The following ABCA13 variants were observed in gnomAD, a reference collection of about 807,000 sequenced individuals.
ABCA13 encodes the protein ATP binding cassette subfamily A member 13, also known as ATP-binding cassette sub-family A member 13.
Under a neutral mutation model 478.7 loss-of-function variants are expected in ABCA13, and 476 were observed. The ratio of observed to expected loss-of-function variants is 0.99; its 90% CI spans 0.92 to 1.07. The LOEUF is 1.07. ABCA13 is among the 50% of genes least tolerant of loss of function. ABCA13 has a pLI of 0.00. For missense variants in ABCA13, 6,060 were observed against 5,910.6 expected (o/e 1.03, Z -0.83); for synonymous variants, 2,252 against 2,158.9 (o/e 1.04, Z -1.20).
At chr7:48,591,770 C>A (rs1412486501) in intron 57 of ABCA13, among the ~76,000 whole-genome samples, 1 of 151,584 alleles carries the variant, frequency 6.6e-6, no homozygotes. Flanking sequence ...TTCTGATAAC[C>A]CATTGTTATT....
intron 2 of ABCA13, among the ~76,000 whole-genome samples, chr7:48,194,160 A>G (rs577445584): frequency 0.64 from 14 of 22 alleles, 7 homozygotes; most frequent in Non-Finnish European, 1. Context: ...GATAATGATG[A>G]TGATGATGAT....
chr7:48,340,128 A>T (rs147256696), intron 29 of ABCA13, among the ~76,000 whole-genome samples: 1 of 151,996 alleles, frequency 6.6e-6, no homozygotes, highest in South Asian at 2.1e-4. Flanking sequence ...TTTTTTAGAC[A>T]AGAGTTTTGC....
At chr7:48,432,974 CA>C (rs1323557191) in intron 42 of ABCA13, among the ~76,000 whole-genome samples, 1 of 151,864 alleles carries the variant, frequency 6.6e-6, no homozygotes, top group Non-Finnish European at 1.5e-5. Context: ...TTTCTCATCA[CA>C]AAAAACTATG....
intron 15 of ABCA13, among the ~76,000 whole-genome samples, chr7:48,261,741 G>A (rs1016591181): frequency 6.6e-6 from 1 of 151,460 alleles, no homozygotes; most frequent in Admixed American, 6.6e-5. Context: ...GTTTATATAA[G>A]CATTTTCGAT....
At chr7:48,354,770 C>T (rs1004121283) in intron 31 of ABCA13, among the ~76,000 whole-genome samples, 24 of 152,046 alleles carry the variant, frequency 1.6e-4, no homozygotes, top group South Asian at 4.1e-4. Flanking sequence ...TCTCTTGTTT[C>T]GAAGTCTCCC....
intron 43 of ABCA13, among the ~76,000 whole-genome samples, chr7:48,457,045 C>T (rs1825753203): frequency 6.6e-6 from 1 of 151,802 alleles, no homozygotes. Flanking sequence ...TTACTATATG[C>T]TAGCTACTGT....
At chr7:48,561,945 G>A (rs1412522281) in intron 55 of ABCA13, among the ~76,000 whole-genome samples, 2 of 151,960 alleles carry the variant, frequency 1.3e-5, no homozygotes, top group African/African-American at 2.4e-5. Flanking sequence ...TTCTTTTGCA[G>A]GCTGTCTTTT....
chr7:48,285,784 A>G (rs1160558881), intron 19 of ABCA13, among the ~76,000 whole-genome samples: 2 of 152,336 alleles, frequency 1.3e-5, no homozygotes, highest in Admixed American at 1.3e-4. Flanking sequence ...GTTTATGCTT[A>G]AAGATAAGTG....
intron 49 of ABCA13, 135 bp downstream of exon 49, chr7:48,506,525 C>T: frequency 1.1e-6 from 1 of 947,334 alleles, no homozygotes; most frequent in African/African-American, 1.7e-5. Flanking sequence ...GAAATGCCCA[C>T]AGGACTTGGG....
chr7:48,232,059 A>G (rs190487251), intron 7 of ABCA13, among the ~76,000 whole-genome samples: 140 of 147,360 alleles, frequency 9.5e-4, no homozygotes, highest in Non-Finnish European at 1.7e-3. Flanking sequence ...GAAACCCTCT[A>G]TGGCCCCAAA....
chr7:48,279,300 T>C lies in ABCA13; in HGVS notation c.8106T>C (p.His2702=), dbSNP rs1242833506. The part of the protein sequence containing the change: ...DFLYPNPIST[H]SGPQDIKWEI... ...TATACCCTAATCCAATTTCCACTCATAGTGGCCCTCAAGATATAAAATGGG... is the reference window on the plus strand; with the variant it reads ...TATACCCTAATCCAATTTCCACTCACAGTGGCCCTCAAGATATAAAATGGG... Residue 2702 remains histidine (H), a synonymous_variant, in exon 18 of 62, where the codon CAT becomes CAC. Transcript: ENST00000435803. 1 of 1,588,984 alleles carries C rather than the reference T, an allele frequency of 6.3e-7. No individual in the cohort carries two copies. The highest frequency in any genetic ancestry group is 8.6e-7 in the Non-Finnish European group (1 of 1,165,636).
intron 58 of ABCA13, among the ~76,000 whole-genome samples, chr7:48,606,137 T>G (rs1322063501): frequency 6.6e-6 from 1 of 152,206 alleles, no homozygotes; most frequent in African/African-American, 2.4e-5. Context: ...GGTTCTTAGC[T>G]TCCTTGCATT....
At chr7:48,335,945 C>G (rs1216878784) in intron 28 of ABCA13, among the ~76,000 whole-genome samples, 1 of 152,196 alleles carries the variant, frequency 6.6e-6, no homozygotes, top group Non-Finnish European at 1.5e-5. Context: ...GTCTGACAAT[C>G]ATTAATATAA....
At chr7:48,192,513 C>T (rs1207704434) in intron 1 of ABCA13, among the ~76,000 whole-genome samples, 2 of 151,826 alleles carry the variant, frequency 1.3e-5, no homozygotes, top group African/African-American at 4.8e-5. Flanking sequence ...TCTTGTTTGG[C>T]AATATTGAAA....
intron 55 of ABCA13, among the ~76,000 whole-genome samples, chr7:48,565,589 C>T (rs1007077959): frequency 6.6e-6 from 1 of 151,932 alleles, no homozygotes; most frequent in Non-Finnish European, 1.5e-5. Context: ...TAAGGCCGGG[C>T]GTGGTTGCTC....
At chr7:48,398,565 A>G (rs1195573718) in intron 38 of ABCA13, among the ~76,000 whole-genome samples, 1 of 152,192 alleles carries the variant, frequency 6.6e-6, no homozygotes, top group African/African-American at 2.4e-5. Flanking sequence ...CCCTGCTAGA[A>G]TCTTTAGAGT....
Position 48,276,537 on chromosome 7 carries a change from T to C in ABCA13, c.6871T>C (p.Phe2291Leu), listed in dbSNP as rs779962878. Residue 2291 changes from phenylalanine to leucine, a missense_variant, in exon 17 of 62, where the codon TTC (phenylalanine) becomes CTC (leucine). Physicochemically the swap from Phe to Leu is conservative, Grantham distance 22. This residue lies in a region of ABCA13 where 4,423 missense variants were observed against 4,309.1 expected (regional missense o/e 1.03). Transcript: ENST00000435803. ...ENKISLLLKY[F>L]HKDVIAEMSF... ...CAAAATATCTCTTCTGCTGAAATAT[T>C]TCCACAAAGATGTTATTGCAGAGAT... The C allele has an allele frequency of 1.2e-6, 2 of 1,611,966 alleles. No individual in the cohort carries two copies. Among genetic ancestry groups the C allele is most frequent in the South Asian group, 2.2e-5 (2 of 90,976 alleles).
chr7:48,574,213 A>G (rs962971059), intron 55 of ABCA13, among the ~76,000 whole-genome samples: 4 of 152,162 alleles, frequency 2.6e-5, no homozygotes, highest in African/African-American at 9.7e-5. Flanking sequence ...ATTCTGTTTT[A>G]CTTCAAAGAG....
In ABCA13 at chr7:48,279,196, A is replaced by G. The variant is rs758412209; in HGVS notation, c.8002A>G (p.Met2668Val). The G allele has an allele frequency of 1.6e-5, 26 of 1,596,910 alleles. No homozygotes were observed. Among genetic ancestry groups the G allele is most frequent in the African/African-American group, 5.3e-5 (4 of 74,786 alleles). ...AFNNETQTFS[M>V]DSVNLREEIL... is the part of the protein sequence containing the mutation. ...TAACAATGAGACTCAAACATTTTCT[A>G]TGGATTCTGTCAACTTACGGGAAGA... Residue 2668 changes from methionine to valine, a missense_variant, in exon 18 of 62, where the codon ATG becomes GTG. This residue lies in a region of ABCA13 where 4,423 missense variants were observed against 4,309.1 expected (regional missense o/e 1.03). Coordinates refer to ENST00000435803, the MANE Select transcript of ABCA13 (RefSeq NM_152701.5).
Sources: gnomAD v4.1 joint callset for allele counts (sites outside exome capture counted in the v4.1 genomes callset) on GRCh38, gnomAD v4.1.1 for gene constraint, gnomAD v4.1.1 regional missense constraint, MANE v1.5 for transcripts, NCBI Gene and HGNC (gene_info 2026-07-23, HGNC 2026-07-21) for gene names.